ALG6: variants seen among roughly 807,000 people sequenced by gnomAD.
ALG6 encodes the protein dolichyl pyrophosphate Man9GlcNAc2 alpha-1,3-glucosyltransferase.
ALG6 carries 46 observed loss-of-function variants against 66.6 expected under a neutral mutation model. The observed-to-expected ratio is 0.69, with a 90% CI of 0.55 to 0.88. ALG6 has a LOEUF of 0.88. Ranked by LOEUF, ALG6 falls within the 40% of genes least tolerant of loss-of-function variation. The pLI is 0.00. For synonymous variants in ALG6, 185 were observed against 203.7 expected, an observed-to-expected ratio of 0.91 and a Z score of 0.78; for missense variants, 505 against 586.8, an observed-to-expected ratio of 0.86 and a Z score of 1.44.
chr1:63,376,174 A>G (rs1274058433), intron 2 of ALG6, among the ~76,000 whole-genome samples: 1 of 152,190 alleles, frequency 6.6e-6, no homozygotes, highest in African/African-American at 2.4e-5. Context: ...ATTATAGCCT[A>G]TTGCTCCTAG....
Position 63,433,024 on chromosome 1 carries a change from C to T in ALG6, c.1327-3799C>T, listed in dbSNP as rs1278735123. Among the ~76,000 whole-genome samples the T allele has an allele frequency of 6.6e-6, 1 of 152,190 alleles. No homozygotes were observed. The highest frequency in any genetic ancestry group is 1.5e-5 in the Non-Finnish European group (1 of 68,040). On this transcript the variant is annotated intron_variant, in intron 14 of 14. Transcript: ENST00000263440. This position sits in a 1 kb window ranked among gnomAD's most constrained non-coding sequence, Gnocchi z 4.2. ...ATGGCACGAACTTGGCTCACTGCAA[C>T]CTCAACCTCCTGGGTTTATGCAATT...
rs68001365 is a variant in ALG6 at position 63,404,624 on chromosome 1, TACTG to T, written c.346+87_346+90del. 10,272 of 1,119,774 alleles carry T rather than the reference TACTG, an allele frequency of 9.2e-3. 611 individuals are homozygous for T. The African/African-American group carries it at 0.14, about 15-fold the overall frequency. 69.4% of individuals were successfully genotyped at this position (1,119,774 alleles called of 1,614,324 possible). ...CTGGTAAAGGTACTATTATTGTTCT[TACTG>T]ACTTTAAAATTGTGCAATTACACAA... is the stretch of plus-strand genomic sequence containing the variant. On this transcript the variant is annotated intron_variant, in intron 5 of 14. Transcript: ENST00000263440.
rs188562519 is a variant in ALG6, at chr1:63,429,170, C to G, written c.1326+44C>G. 5.3e-3 allele frequency: 7,470 copies of G among 1,400,252 alleles called. 38 individuals are homozygous for G. The highest frequency in any genetic ancestry group is 6.8e-3 in the Non-Finnish European group (6,882 of 1,009,560). 86.7% of individuals were successfully genotyped at this position (1,400,252 alleles called of 1,614,324 possible). A position where few individuals can be genotyped will look rare whatever the true frequency, so the allele number is the denominator to read the frequency against. On this transcript the variant is annotated intron_variant, in intron 14 of 14. Coordinates refer to ENST00000263440, the MANE Select transcript of ALG6 (RefSeq NM_013339.4). Reference sequence around the variant, plus strand: ...AAATGACACATTTTTCAGCATGTCACTATTTTAAAAAATTATTGAAGTAGT... The same window carrying G: ...AAATGACACATTTTTCAGCATGTCAGTATTTTAAAAAATTATTGAAGTAGT...
At chr1:63,425,290 C>T (rs561397270) in intron 12 of ALG6, among the ~76,000 whole-genome samples, 2 of 152,202 alleles carry the variant, frequency 1.3e-5, no homozygotes, top group Middle Eastern at 3.4e-3. Context: ...TGCTGGAGCA[C>T]TGTCATTGGG....
At chr1:63,422,047 ATATATAAATATCTATT>A (rs1300430632) in intron 12 of ALG6, among the ~76,000 whole-genome samples, 49 of 140,562 alleles carry the variant, frequency 3.5e-4, no homozygotes, top group Non-Finnish European at 5.1e-4. Flanking sequence ...TATATAATTT[ATATATAAATATCTATT>A]TATATAAATA....
chr1:63,407,017 T>G, intron 6 of ALG6, 45 bp from the exon 7 acceptor site: 3 of 1,446,204 alleles, frequency 2.1e-6, no homozygotes, highest in Non-Finnish European at 2.9e-6. Flanking sequence ...CTGCTTGATT[T>G]GTGTAACAGA....
At chr1:63,408,134 A>G (rs1644499292) in intron 7 of ALG6, among the ~76,000 whole-genome samples, 1 of 152,162 alleles carries the variant, frequency 6.6e-6, no homozygotes, top group South Asian at 2.1e-4. Context: ...CATTACTAGT[A>G]TCCAAAAACT....
chr1:63,422,428 TATAAA>T (rs1326513115), intron 12 of ALG6, among the ~76,000 whole-genome samples: 10 of 35,486 alleles, frequency 2.8e-4, no homozygotes, highest in Non-Finnish European at 4.5e-4. Flanking sequence ...TATATATAAA[TATAAA>T]TATATATATA....
At chr1:63,382,850 G>A (rs1339966750) in intron 2 of ALG6, among the ~76,000 whole-genome samples, 1 of 151,484 alleles carries the variant, frequency 6.6e-6, no homozygotes, top group Non-Finnish European at 1.5e-5. Context: ...TCATTTTTTT[G>A]TATTTTTATT....
At chr1:63,391,494 G>T (rs1648672179) in intron 2 of ALG6, among the ~76,000 whole-genome samples, 1 of 152,158 alleles carries the variant, frequency 6.6e-6, no homozygotes, top group Admixed American at 6.5e-5. Context: ...TTTTCTCTGG[G>T]TATAGGGAGG....
Position 63,415,860 on chromosome 1 carries a change from A to G in ALG6, c.903-13A>G, listed in dbSNP as rs190744579. The G allele has an allele frequency of 2.3e-5, 36 of 1,547,202 alleles. 2 individuals are homozygous for G. In the Admixed American group the frequency reaches 5.7e-4, roughly 24 times the overall value. On this transcript the variant is annotated splice_polypyrimidine_tract_variant and intron_variant, in intron 10 of 14. Transcript: ENST00000263440. Reference sequence around the variant, plus strand: ...CAAAGAAGACAAATATTTGATTTGTATTAATTTTTTAGCTTTTGTTCTACG... The same window carrying G: ...CAAAGAAGACAAATATTTGATTTGTGTTAATTTTTTAGCTTTTGTTCTACG...
rs1557581377 is a variant in ALG6 at position 63,382,651 on chromosome 1, GTTTGTTTT to G, written c.82+11596_82+11603del. Among the ~76,000 whole-genome samples, 92 of 24,054 alleles carry G rather than the reference GTTTGTTTT, an allele frequency of 3.8e-3. 1 individual carries two copies. The highest frequency in any genetic ancestry group is 0.02 in the African/African-American group (88 of 4,466). 15.8% of individuals were successfully genotyped at this position (24,054 alleles called of 152,430 possible). A position where few individuals can be genotyped will look rare whatever the true frequency, so the allele number is the denominator to read the frequency against. On this transcript the variant is annotated intron_variant, in intron 2 of 14. Transcript: ENST00000263440. ...ACCATGCCTGGCTAAGTTTTTTTTT[GTTTGTTTT>G]TTTTTGTTTTTTTTTTTTTGTTTTT...
chr1:63,402,163 C>A, intron 3 of ALG6, 91 bp from the exon 4 acceptor site: 1 of 818,826 alleles, frequency 1.2e-6, no homozygotes, highest in Non-Finnish European at 2.1e-6. Flanking sequence ...CATTATTAAG[C>A]TTAGATAAGT....
rs778405436 is a variant in ALG6, at chr1:63,411,921, T to C, written c.681-5T>C. 8 of 1,613,958 alleles carry C rather than the reference T, an allele frequency of 5.0e-6. No homozygotes were observed. In the African/African-American group the frequency reaches 5.3e-5, roughly 11 times the overall value. On this transcript the variant is annotated splice_region_variant and splice_polypyrimidine_tract_variant and intron_variant, in intron 8 of 14. Coordinates refer to ENST00000263440, the MANE Select transcript of ALG6 (RefSeq NM_013339.4). ...TCTTACTGCCTACCTTTGTTTTTGT[T>C]TTAGGTTTGTGTTGCTAGTTAAGCT...
intron 12 of ALG6, among the ~76,000 whole-genome samples, chr1:63,425,761 C>T (rs897432762): frequency 9.1e-4 from 138 of 152,204 alleles, no homozygotes; most frequent in African/African-American, 3.2e-3. Context: ...GAGGATAACT[C>T]CCTTGCTTGA....
chr1:63,392,166 A>G (rs1240899430), intron 2 of ALG6, among the ~76,000 whole-genome samples: 1 of 151,118 alleles, frequency 6.6e-6, no homozygotes, highest in Non-Finnish European at 1.5e-5. Context: ...AAAATATAAA[A>G]GGATGATTTT....
chr1:63,433,741 A>AG lies in ALG6; in HGVS notation c.1327-3080dup, dbSNP rs752240950. The stretch of plus-strand genomic sequence containing the variant: ...TATGCAAGCATTGTTCTGGAGGCTG[A>AG]GGATACGGTAGTGACCAAAACTAAC... On this transcript the variant is annotated intron_variant, in intron 14 of 14. Coordinates refer to ENST00000263440, the MANE Select transcript of ALG6 (RefSeq NM_013339.4). This position sits in a 1 kb window ranked among gnomAD's most constrained non-coding sequence, Gnocchi z 4.2. Among the ~76,000 whole-genome samples the AG allele has an allele frequency of 1.3e-5, 2 of 152,212 alleles. No homozygotes were observed. Among genetic ancestry groups the AG allele is most frequent in the Non-Finnish European group, 2.9e-5 (2 of 68,046 alleles).
intron 2 of ALG6, among the ~76,000 whole-genome samples, chr1:63,394,376 T>G (rs368074644): frequency 8.5e-5 from 13 of 152,210 alleles, no homozygotes; most frequent in African/African-American, 3.1e-4. Flanking sequence ...CATCTTTTTT[T>G]TTTCTTTCTT....
Position 63,406,386 on chromosome 1 carries a change from C to CAA in ALG6, c.417_418dup (p.Thr140LysfsTer21). 6.2e-7 allele frequency: 1 copy of CAA among 1,612,928 alleles called. No homozygotes were observed. The highest frequency in any genetic ancestry group is 1.1e-5 in the South Asian group (1 of 91,050). ...TACTGTTGTTGCTTAAAAGAAATCT[C>CAA]AACTAAGAAAAAGGTAGGTTTTCAA... is the stretch of plus-strand genomic sequence containing the variant. On this transcript the variant is annotated frameshift_variant, in exon 6 of 15. Transcript: ENST00000263440. LOFTEE classifies it high-confidence loss of function.
Sources: gnomAD v4.1 joint callset for allele counts (sites outside exome capture counted in the v4.1 genomes callset) on GRCh38, gnomAD v4.1.1 for gene constraint, Gnocchi (gnomAD v3.1) non-coding constraint, MANE v1.5 for transcripts, NCBI Gene and HGNC (gene_info 2026-07-23, HGNC 2026-07-21) for gene names.